Variants in NRG2 observed in about 807,000 individuals in gnomAD.
NRG2 encodes pro-neuregulin-2, membrane-bound isoform.
NRG2 carries 27 observed loss-of-function variants against 73.9 expected under a neutral mutation model. That is an observed-to-expected ratio of 0.37 (90% CI 0.27 to 0.50). The LOEUF (loss-of-function observed/expected upper bound fraction) is 0.50. Ranked by LOEUF, NRG2 falls within the 20% of genes least tolerant of loss-of-function variation. NRG2 has a pLI of 0.96. For missense variants in NRG2, 1,126 were observed against 1,210.1 expected (o/e 0.93, Z 1.03); for synonymous variants, 532 against 541.0 (o/e 0.98, Z 0.23).
chr5:140,041,459 T>C (rs907121910), intron 1 of NRG2, among the ~76,000 whole-genome samples: 2 of 152,080 alleles, frequency 1.3e-5, no homozygotes, highest in Admixed American at 6.5e-5. Context: ...GAGACTTCCA[T>C]TCCCAGCTGC....
intron 6 of NRG2, among the ~76,000 whole-genome samples, chr5:139,854,428 T>C (rs1374549061): frequency 6.6e-6 from 1 of 152,290 alleles, no homozygotes; most frequent in Non-Finnish European, 1.5e-5. Context: ...ACCGGCCGTA[T>C]GCCTGAGGCA....
chr5:140,036,004 T>G (rs183209891), intron 1 of NRG2, among the ~76,000 whole-genome samples: 19 of 152,230 alleles, frequency 1.2e-4, no homozygotes, highest in Admixed American at 1.2e-3. Flanking sequence ...GTAAATGAAA[T>G]GTTAACCACC....
chr5:139,893,536 C>T (rs1375949524), intron 1 of NRG2, among the ~76,000 whole-genome samples: 1 of 152,224 alleles, frequency 6.6e-6, no homozygotes, highest in Non-Finnish European at 1.5e-5. Context: ...ATCCCTGCAG[C>T]AGCTCCTTCC....
chr5:139,980,789 C>G (rs1244274684), intron 1 of NRG2, among the ~76,000 whole-genome samples: 1 of 152,134 alleles, frequency 6.6e-6, no homozygotes, highest in East Asian at 1.9e-4. Flanking sequence ...TTCTTCCTAC[C>G]ACTAATTCTC....
In NRG2 at chr5:139,852,412, TG is replaced by T; in HGVS notation, c.1544+19del. ...AAGTATGTGAGTCTACAAGTTTCCA[TG>T]GGCCTTGGTGGTGCCTACCTGTGGC... On this transcript the variant is annotated intron_variant, in intron 8 of 9. Transcript: ENST00000361474. The surrounding 1 kb of genome is among the most constrained non-coding windows in gnomAD (Gnocchi z 4.4). The T allele has an allele frequency of 6.2e-7, 1 of 1,607,332 alleles. No individual in the cohort carries two copies. Among genetic ancestry groups the T allele is most frequent in the South Asian group, 1.1e-5 (1 of 89,810 alleles).
At chr5:139,986,414 C>T (rs528183036) in intron 1 of NRG2, among the ~76,000 whole-genome samples, 4 of 152,300 alleles carry the variant, frequency 2.6e-5, no homozygotes, top group African/African-American at 9.6e-5. Flanking sequence ...CACATACACA[C>T]AGTCTTTAAG....
chr5:139,850,863 C>T (rs1248049530), intron 9 of NRG2, among the ~76,000 whole-genome samples: 1 of 152,224 alleles, frequency 6.6e-6, no homozygotes, highest in Non-Finnish European at 1.5e-5. Context: ...GGTCAGTGTC[C>T]TCAAAGGCAA....
rs1450078242 is a variant in NRG2 at position 139,851,154 on chromosome 5, T to C, written c.1772+450A>G. On this transcript the variant is annotated intron_variant, in intron 9 of 9. Coordinates refer to ENST00000361474, the MANE Select transcript of NRG2 (RefSeq NM_004883.3). The surrounding 1 kb of genome is among the most constrained non-coding windows in gnomAD (Gnocchi z 4.2). ...GGCATGTGCCACCATGCCTGGCTAA[T>C]TTTTGTATTTTTAGTAAAGATGGGG... is the stretch of plus-strand genomic sequence containing the variant. 1.3e-5 allele frequency among the ~76,000 whole-genome samples: 2 copies of C among 152,010 alleles called. No individual in the cohort carries two copies. The highest frequency in any genetic ancestry group is 2.9e-5 in the Non-Finnish European group (2 of 67,970).
chr5:139,932,308 T>C (rs1424038172), intron 1 of NRG2, among the ~76,000 whole-genome samples: 6 of 151,772 alleles, frequency 4.0e-5, no homozygotes, highest in African/African-American at 1.5e-4. Context: ...AATTCTGCCA[T>C]TTGCCACATC....
chr5:139,992,175 G>T (rs1233917258), intron 1 of NRG2, among the ~76,000 whole-genome samples: 2 of 152,098 alleles, frequency 1.3e-5, no homozygotes, highest in African/African-American at 4.8e-5. Context: ...TAATGAAATT[G>T]CACATTTTTA....
intron 1 of NRG2, among the ~76,000 whole-genome samples, chr5:139,964,166 G>A (rs1051157096): frequency 1.3e-5 from 2 of 152,066 alleles, no homozygotes; most frequent in African/African-American, 4.8e-5. Flanking sequence ...CCAAGGCTGG[G>A]GTGAGAGAAC....
At chr5:139,883,395 C>T (rs1763663392) in intron 2 of NRG2, among the ~76,000 whole-genome samples, 1 of 150,068 alleles carries the variant, frequency 6.7e-6, no homozygotes, top group African/African-American at 2.4e-5. Flanking sequence ...ACATGCGATT[C>T]TGCAGGGAAG....
intron 3 of NRG2, among the ~76,000 whole-genome samples, chr5:139,874,835 TC>T (rs1005087875): frequency 3.9e-5 from 6 of 152,202 alleles, no homozygotes; most frequent in African/African-American, 1.4e-4. Flanking sequence ...ATAGTTCTGC[TC>T]CTTTAATAAG....
At chr5:139,998,314 C>A (rs1027951878) in intron 1 of NRG2, among the ~76,000 whole-genome samples, 1 of 152,132 alleles carries the variant, frequency 6.6e-6, no homozygotes, top group Non-Finnish European at 1.5e-5. Flanking sequence ...TGAACAAAAC[C>A]CCAGAGGGCT....
intron 1 of NRG2, among the ~76,000 whole-genome samples, chr5:139,985,531 T>C (rs948705258): frequency 1.3e-5 from 2 of 152,066 alleles, no homozygotes; most frequent in African/African-American, 4.8e-5. Flanking sequence ...TCAAACTTCC[T>C]AAGGCAGTGA....
At position 140,025,310 on chromosome 5, in the gene NRG2, G is replaced by A. The variant is rs570678177; in HGVS notation, c.700+17060C>T. ...CAGCAGAAGGCTCTAAGTATCAAGA[G>A]GGCCCTGGATAAATCACTTATGATA... On this transcript the variant is annotated intron_variant, in intron 1 of 9. Transcript: ENST00000361474. 9.2e-5 allele frequency among the ~76,000 whole-genome samples: 14 copies of A among 152,224 alleles called. No homozygotes were observed. The South Asian group carries it at 2.5e-3, about 27-fold the overall frequency.
intron 1 of NRG2, among the ~76,000 whole-genome samples, chr5:139,926,949 T>C (rs1752104479): frequency 6.6e-6 from 1 of 152,154 alleles, no homozygotes; most frequent in Non-Finnish European, 1.5e-5. Context: ...TCACCTGAGC[T>C]CACCTTCCAA....
chr5:139,925,379 G>C (rs991975320), intron 1 of NRG2, among the ~76,000 whole-genome samples: 34 of 152,266 alleles, frequency 2.2e-4, no homozygotes, highest in African/African-American at 8.2e-4. Context: ...CGGTGCTGGG[G>C]GGACCTTCCT....
chr5:139,872,723 C>T (rs532490193), intron 3 of NRG2, among the ~76,000 whole-genome samples: 3 of 152,320 alleles, frequency 2.0e-5, no homozygotes, highest in South Asian at 2.1e-4. Flanking sequence ...ACTGCACGTC[C>T]GATTGACTGG....
Sources: allele counts gnomAD v4.1 joint callset (sites outside exome capture counted in the v4.1 genomes callset), GRCh38; gene constraint gnomAD v4.1.1; non-coding constraint Gnocchi (gnomAD v3.1); transcripts MANE v1.5; gene names NCBI Gene and HGNC (gene_info 2026-07-23, HGNC 2026-07-21).